The following GABRB2 variants were observed in gnomAD, a reference collection of about 807,000 sequenced individuals.
GABRB2 encodes gamma-aminobutyric acid receptor subunit beta-2.
GABRB2 carries 16 observed loss-of-function variants against 54.7 expected under a neutral mutation model. That is an observed-to-expected ratio of 0.29 (90% CI 0.20 to 0.44). The LOEUF is 0.44. GABRB2 is among the 20% of genes least tolerant of loss of function. GABRB2 has a pLI of 1.00. For synonymous variants in GABRB2, 244 were observed against 233.8 expected, an observed-to-expected ratio of 1.04 and a Z score of -0.40; for missense variants, 355 against 644.0, an observed-to-expected ratio of 0.55 and a Z score of 4.86.
intron 3 of GABRB2, among the ~76,000 whole-genome samples, chr5:161,533,655 A>T (rs1760536409): frequency 6.6e-6 from 1 of 152,150 alleles, no homozygotes; most frequent in South Asian, 2.1e-4. Context: ...AGTAATCTCT[A>T]AAACATATTT....
At chr5:161,343,269 C>G (rs531750286) in intron 5 of GABRB2, among the ~76,000 whole-genome samples, 1 of 151,664 alleles carries the variant, frequency 6.6e-6, no homozygotes, top group Non-Finnish European at 1.5e-5. Context: ...TCAAAATAAT[C>G]GACCTAGGGT....
rs1753825163 is a variant in GABRB2 at position 161,331,125 on chromosome 5, T to C, written c.835A>G (p.Ile279Val). 1 of 1,543,680 alleles carries C rather than the reference T, an allele frequency of 6.5e-7. No individual in the cohort carries two copies. Residue 279 changes from isoleucine to valine, a missense_variant and splice_region_variant, in exon 8 of 10, where the codon ATC becomes GTC. By Grantham distance (29) the Ile-to-Val change is conservative. Around this residue, in one of 6 missense-constraint regions of GABRB2, gnomAD observed 25 missense variants for 137.4 expected, o/e 0.18. Transcript: ENST00000393959. Reference protein sequence around the residue: ...DASAARVALGITTVLTMTTIN... With the variant: ...DASAARVALGVTTVLTMTTIN... ...GTGGTCATTGTGAGGACAGTTGTGA[T>C]TCCTGAAAAAAAATGGGAGAGTTAG...
chr5:161,523,305 C>A (rs1459175166), intron 3 of GABRB2, among the ~76,000 whole-genome samples: 1 of 151,462 alleles, frequency 6.6e-6, no homozygotes. Context: ...AGAAAAAATT[C>A]CTGCATTTCT....
At chr5:161,435,777 A>T (rs1443462888) in intron 4 of GABRB2, among the ~76,000 whole-genome samples, 1 of 152,238 alleles carries the variant, frequency 6.6e-6, no homozygotes, top group African/African-American at 2.4e-5. Flanking sequence ...TTAGCAGCCC[A>T]TCTAGCCTAT....
At chr5:161,358,360 G>A (rs1745710950) in intron 5 of GABRB2, among the ~76,000 whole-genome samples, 1 of 152,076 alleles carries the variant, frequency 6.6e-6, no homozygotes, top group Non-Finnish European at 1.5e-5. Flanking sequence ...GAAGGGAAAG[G>A]CATACTGGAA....
intron 3 of GABRB2, among the ~76,000 whole-genome samples, chr5:161,504,266 T>C (rs1759534781): frequency 6.6e-6 from 1 of 152,164 alleles, no homozygotes. Context: ...ACACATGGAA[T>C]ATTTACTAAA....
chr5:161,407,179 G>A (rs1756370878), intron 5 of GABRB2, among the ~76,000 whole-genome samples: 4 of 152,096 alleles, frequency 2.6e-5, no homozygotes, highest in Admixed American at 2.0e-4. Context: ...AGATAAGGCA[G>A]CTTTTCTCCT....
intron 5 of GABRB2, among the ~76,000 whole-genome samples, chr5:161,361,102 C>T (rs917388734): frequency 2.0e-5 from 3 of 151,778 alleles, no homozygotes; most frequent in Non-Finnish European, 2.9e-5. Context: ...AAAGACTCAG[C>T]TTTTCTAACA....
intron 3 of GABRB2, among the ~76,000 whole-genome samples, chr5:161,505,547 A>G (rs1329478132): frequency 1.3e-5 from 2 of 152,198 alleles, no homozygotes; most frequent in Non-Finnish European, 2.9e-5. Flanking sequence ...TCTTTAATAA[A>G]ATATTTACAA....
Position 161,425,050 on chromosome 5 carries a change from A to C in GABRB2, c.459-13993T>G, listed in dbSNP as rs145425163. On this transcript the variant is annotated intron_variant, in intron 4 of 9. Coordinates refer to ENST00000393959, the MANE Select transcript of GABRB2 (RefSeq NM_001371727.1). Reference sequence around the variant, plus strand: ...TTGAAGATGTGACTGAATTTATGCAACCTCATGATGAAACTTTAAGGATTG... The same window carrying C: ...TTGAAGATGTGACTGAATTTATGCACCCTCATGATGAAACTTTAAGGATTG... Among the ~76,000 whole-genome samples, 697 of 152,242 alleles carry C rather than the reference A, an allele frequency of 4.6e-3. 4 individuals carry two copies. Among genetic ancestry groups the C allele is most frequent in the African/African-American group, 0.016 (675 of 41,542 alleles).
At chr5:161,437,169 G>A (rs1320450536) in intron 4 of GABRB2, among the ~76,000 whole-genome samples, 1 of 152,016 alleles carries the variant, frequency 6.6e-6, no homozygotes, top group Non-Finnish European at 1.5e-5. Context: ...GACAGTCAGT[G>A]GAGTGTTAGC....
At chr5:161,317,692 A>C (rs183045654) in intron 9 of GABRB2, among the ~76,000 whole-genome samples, 54 of 152,252 alleles carry the variant, frequency 3.5e-4, no homozygotes, top group Admixed American at 1.0e-3. Flanking sequence ...TCATAGCATG[A>C]ATGAGAGTTT....
At chr5:161,486,247 A>G (rs1179287551) in intron 3 of GABRB2, among the ~76,000 whole-genome samples, 1 of 151,924 alleles carries the variant, frequency 6.6e-6, no homozygotes, top group Non-Finnish European at 1.5e-5. Flanking sequence ...CAGCTACACA[A>G]ATATTTCTCA....
chr5:161,392,724 A>T (rs1755868709), intron 5 of GABRB2, among the ~76,000 whole-genome samples: 1 of 152,212 alleles, frequency 6.6e-6, no homozygotes, highest in African/African-American at 2.4e-5. Context: ...TGTTTAAGAG[A>T]TGTTAGCTAT....
Position 161,435,631 on chromosome 5 carries a change from C to T in GABRB2, c.458+23993G>A, listed in dbSNP as rs145564123. 2.4e-4 allele frequency among the ~76,000 whole-genome samples: 36 copies of T among 151,934 alleles called. No homozygotes were observed. In the East Asian group the frequency reaches 5.0e-3, roughly 21 times the overall value. ...TAAAAGGAAGTGAGAGGGAAGAGGG[C>T]GGGAAAGAGAAAAATACAATTTTTA... is the stretch of plus-strand genomic sequence containing the variant. On this transcript the variant is annotated intron_variant, in intron 4 of 9. Transcript: ENST00000393959.
chr5:161,534,304 T>G (rs1760561396), intron 3 of GABRB2, among the ~76,000 whole-genome samples: 1 of 152,150 alleles, frequency 6.6e-6, no homozygotes, highest in Non-Finnish European at 1.5e-5. Flanking sequence ...CAAGAGAGAA[T>G]TATCTGGCTC....
intron 3 of GABRB2, among the ~76,000 whole-genome samples, chr5:161,476,054 C>T (rs1319318441): frequency 1.3e-5 from 2 of 151,816 alleles, no homozygotes; most frequent in African/African-American, 4.8e-5. Flanking sequence ...AAATATTCCA[C>T]AAAAAACTGT....
intron 3 of GABRB2, among the ~76,000 whole-genome samples, chr5:161,477,812 A>G (rs1480517846): frequency 6.6e-6 from 1 of 151,918 alleles, no homozygotes; most frequent in Non-Finnish European, 1.5e-5. Flanking sequence ...GGGGACTGAG[A>G]GAAATTGAGG....
chr5:161,335,490 G>T, intron 6 of GABRB2, among the ~76,000 whole-genome samples: 1 of 152,032 alleles, frequency 6.6e-6, no homozygotes, highest in East Asian at 1.9e-4. Context: ...AATATTTGTG[G>T]GAGATACAAC....
Sources: allele counts gnomAD v4.1 joint callset (sites outside exome capture counted in the v4.1 genomes callset), GRCh38; gene constraint gnomAD v4.1.1; regional missense constraint gnomAD v4.1.1; transcripts MANE v1.5; gene names NCBI Gene and HGNC (gene_info 2026-07-23, HGNC 2026-07-21).